CCDC146: variants seen among roughly 807,000 people sequenced by gnomAD.
CCDC146 encodes coiled-coil domain containing 146, also known as coiled-coil domain-containing protein 146.
In CCDC146, 92 loss-of-function variants were observed where a neutral mutation model predicts 119.3. The ratio of observed to expected loss-of-function variants is 0.77; its 90% CI spans 0.65 to 0.92. CCDC146 has a LOEUF of 0.92. Among genes scored for constraint, CCDC146 ranks in the 40% least tolerant of loss-of-function variants. The pLI, the probability that CCDC146 is intolerant of heterozygous loss-of-function variation, is 0.00. For synonymous variants in CCDC146, 372 were observed against 371.8 expected (o/e 1.00, Z -0.01); for missense variants, 1,000 against 1,103.0 (o/e 0.91, Z 1.32).
intron 13 of CCDC146, 60 bp from the exon 14 acceptor site, chr7:77,280,369 T>C (rs939058501): frequency 1.5e-6 from 2 of 1,369,756 alleles, no homozygotes; most frequent in African/African-American, 3.0e-5. Flanking sequence ...GAAGCCTTCA[T>C]TCCTTTTAAA....
chr7:77,159,615 G>A (rs1438755186), intron 1 of CCDC146, among the ~76,000 whole-genome samples: 2 of 152,132 alleles, frequency 1.3e-5, no homozygotes, highest in South Asian at 4.1e-4. Flanking sequence ...ATATCGCTTC[G>A]AGATCCTGAT....
At chr7:77,148,078 A>G (rs1791051202) in intron 1 of CCDC146, among the ~76,000 whole-genome samples, 2 of 152,166 alleles carry the variant, frequency 1.3e-5, no homozygotes, top group Admixed American at 1.3e-4. Context: ...CTTCCAGGCC[A>G]CTTTGATTAC....
chr7:77,226,449 A>C (rs1409486079), intron 2 of CCDC146, among the ~76,000 whole-genome samples: 1 of 152,068 alleles, frequency 6.6e-6, no homozygotes, highest in Non-Finnish European at 1.5e-5. Context: ...TTCCAGATAA[A>C]CTCACTTGGT....
chr7:77,199,896 G>T, intron 2 of CCDC146: 1 of 1,393,400 alleles, frequency 7.2e-7, no homozygotes, highest in Non-Finnish European at 9.7e-7. Context: ...GGAAAGGGTG[G>T]GAGCGTTTGC....
At chr7:77,140,562 G>A (rs1240481663) in intron 1 of CCDC146, among the ~76,000 whole-genome samples, 1 of 152,080 alleles carries the variant, frequency 6.6e-6, no homozygotes, top group Non-Finnish European at 1.5e-5. Flanking sequence ...TTCTTTTAAG[G>A]CCACTAATCC....
At chr7:77,213,129 C>T (rs1792221203) in intron 2 of CCDC146, among the ~76,000 whole-genome samples, 1 of 151,936 alleles carries the variant, frequency 6.6e-6, no homozygotes, top group African/African-American at 2.4e-5. Flanking sequence ...CTCACTTGGT[C>T]ACCCAGGCTG....
chr7:77,160,538 A>G (rs958065462), intron 1 of CCDC146, among the ~76,000 whole-genome samples: 3 of 152,110 alleles, frequency 2.0e-5, no homozygotes, highest in Non-Finnish European at 4.4e-5. Context: ...GCAATTGTGA[A>G]TGGGAGTTCA....
intron 2 of CCDC146, among the ~76,000 whole-genome samples, chr7:77,190,891 G>T (rs1286765172): frequency 1.3e-5 from 2 of 152,078 alleles, no homozygotes; most frequent in Non-Finnish European, 2.9e-5. Flanking sequence ...AAGGATTCAT[G>T]GATTTTATAT....
At chr7:77,179,202 T>A (rs2150415121) in intron 2 of CCDC146, among the ~76,000 whole-genome samples, 1 of 152,200 alleles carries the variant, frequency 6.6e-6, no homozygotes, top group Middle Eastern at 3.4e-3. Flanking sequence ...AGGAACAGAG[T>A]ATCAGGGAAT....
At chr7:77,214,394 G>C (rs761553887) in intron 2 of CCDC146, among the ~76,000 whole-genome samples, 1 of 152,090 alleles carries the variant, frequency 6.6e-6, no homozygotes, top group Admixed American at 6.6e-5. Flanking sequence ...CTCCCATTCT[G>C]TAGATTGTCT....
In CCDC146 at chr7:77,260,251, T is replaced by C. The variant is rs80244972; in HGVS notation, c.986+15T>C. The stretch of plus-strand genomic sequence containing the variant: ...TTAACTGAAAGGTTAGTTATATTTA[T>C]GTATGTTATGTTCTGTCATCTAAAT... On this transcript the variant is annotated intron_variant, in intron 8 of 18. Coordinates refer to ENST00000285871, the MANE Select transcript of CCDC146 (RefSeq NM_020879.3). 1 of 1,569,378 alleles carries C rather than the reference T, an allele frequency of 6.4e-7. No individual in the cohort carries two copies. The highest frequency in any genetic ancestry group is 8.7e-7 in the Non-Finnish European group (1 of 1,148,468).
intron 1 of CCDC146, among the ~76,000 whole-genome samples, chr7:77,133,179 A>G (rs923776920): frequency 2.0e-5 from 3 of 152,142 alleles, no homozygotes; most frequent in African/African-American, 4.8e-5. Context: ...TCAAAAAAAA[A>G]AAATTTTTTT....
At chr7:77,161,587 T>A (rs1436625262) in intron 1 of CCDC146, among the ~76,000 whole-genome samples, 8 of 134,680 alleles carry the variant, frequency 5.9e-5, no homozygotes, top group Non-Finnish European at 9.1e-5. Flanking sequence ...AATTGAACAA[T>A]GAGAACACAT....
At chr7:77,255,967 C>T (rs920425542) in intron 5 of CCDC146, among the ~76,000 whole-genome samples, 3 of 152,098 alleles carry the variant, frequency 2.0e-5, no homozygotes, top group African/African-American at 7.2e-5. Flanking sequence ...TTTGTCAGAT[C>T]ACAAAGCTAC....
intron 2 of CCDC146, among the ~76,000 whole-genome samples, chr7:77,204,950 C>T (rs1469017421): frequency 6.6e-6 from 1 of 152,176 alleles, no homozygotes; most frequent in African/African-American, 2.4e-5. Context: ...GAGACCCTGT[C>T]TCTACAAAAA....
In CCDC146 at chr7:77,279,042, G is replaced by C. The variant is rs767186987; in HGVS notation, c.1635G>C (p.Arg545Ser). 5.0e-6 allele frequency: 8 copies of C among 1,607,436 alleles called. No homozygotes were observed. Among genetic ancestry groups the C allele is most frequent in the Non-Finnish European group, 6.8e-6 (8 of 1,175,952 alleles). Reference protein sequence around the residue: ...AHQKVNEIKERHKMSLNELEI... With the variant: ...AHQKVNEIKESHKMSLNELEI... ...AGAAAGTAAATGAAATAAAAGAAAG[G>C]CATAAAATGTCATTAAATGAACTTG... Residue 545 changes from arginine to serine, a missense_variant, in exon 13 of 19, where the codon AGG becomes AGC. By Grantham distance (110) the Arg-to-Ser change is moderately radical. Transcript: ENST00000285871.
chr7:77,176,313 TG>T, intron 2 of CCDC146, among the ~76,000 whole-genome samples: 1 of 151,158 alleles, frequency 6.6e-6, no homozygotes, highest in Non-Finnish European at 1.5e-5. Context: ...GTGATGAAGA[TG>T]TGAAGAGAGA....
At chr7:77,285,737 A>C (rs1349394204) in intron 15 of CCDC146, among the ~76,000 whole-genome samples, 1 of 152,246 alleles carries the variant, frequency 6.6e-6, no homozygotes, top group Non-Finnish European at 1.5e-5. Context: ...TGTGGCTACC[A>C]TTCCTATTTA....
At chr7:77,203,045 C>CCG (rs1440033911) in intron 2 of CCDC146, among the ~76,000 whole-genome samples, 2 of 95,584 alleles carry the variant, frequency 2.1e-5, no homozygotes, top group African/African-American at 7.6e-5. Context: ...CCCCCCCCCC[C>CCG]AGGACTATTT....
Sources: gnomAD v4.1 joint callset for allele counts (sites outside exome capture counted in the v4.1 genomes callset) on GRCh38, gnomAD v4.1.1 for gene constraint, MANE v1.5 for transcripts, NCBI Gene and HGNC (gene_info 2026-07-23, HGNC 2026-07-21) for gene names.